SLC24A2: variants seen among roughly 807,000 people sequenced by gnomAD.
SLC24A2 encodes the protein sodium/potassium/calcium exchanger 2.
A neutral mutation model predicts 62.0 loss-of-function variants in SLC24A2; 36 were observed. That is an observed-to-expected ratio of 0.58 (90% CI 0.44 to 0.77). The LOEUF is 0.77. Among genes scored for constraint, SLC24A2 ranks in the 30% least tolerant of loss-of-function variants. The pLI, the probability that SLC24A2 is intolerant of heterozygous loss-of-function variation, is 0.00. For synonymous variants in SLC24A2, 358 were observed against 294.0 expected (o/e 1.22, Z -2.23); for missense variants, 846 against 817.9 (o/e 1.03, Z -0.42).
the SLC24A2 span, among the ~76,000 whole-genome samples, chr9:20,181,169 C>A: frequency 6.6e-6 from 1 of 151,394 alleles, no homozygotes; most frequent in Non-Finnish European, 1.5e-5. Context: ...GTCTCAAGTT[C>A]AAATCCTAGT....
the SLC24A2 span, among the ~76,000 whole-genome samples, chr9:20,088,618 G>A: frequency 1.3e-5 from 2 of 152,164 alleles, no homozygotes; most frequent in Admixed American, 6.5e-5. Context: ...ATCCTTAGCT[G>A]TTGTTGTCTT....
the SLC24A2 span, among the ~76,000 whole-genome samples, chr9:20,278,282 C>G: frequency 6.6e-6 from 1 of 152,072 alleles, no homozygotes; most frequent in South Asian, 2.1e-4. Context: ...TCTTTTCTAT[C>G]ACATATCAGG....
chr9:19,976,620 A>G, the SLC24A2 span, among the ~76,000 whole-genome samples: 1 of 152,202 alleles, frequency 6.6e-6, no homozygotes, highest in South Asian at 2.1e-4. Context: ...AGCAGTGTGA[A>G]AACAGACTAA....
chr9:20,299,946 T>A, the SLC24A2 span, among the ~76,000 whole-genome samples: 2 of 152,210 alleles, frequency 1.3e-5, no homozygotes, highest in Admixed American at 6.5e-5. Context: ...TCTGATGACT[T>A]TGAATTCAGG....
intron 8 of SLC24A2, among the ~76,000 whole-genome samples, chr9:19,541,560 C>A (rs375146826): frequency 4.1e-5 from 6 of 147,306 alleles, no homozygotes; most frequent in South Asian, 4.4e-4. Flanking sequence ...GCAGTCTGCC[C>A]GTTCTCAGAT....
the SLC24A2 span, among the ~76,000 whole-genome samples, chr9:20,227,498 G>A: frequency 6.8e-6 from 1 of 146,948 alleles, no homozygotes; most frequent in East Asian, 2.0e-4. Flanking sequence ...TAAAGAAAAG[G>A]CTTACACATT....
At chr9:19,529,572 C>G (rs933380628) in intron 8 of SLC24A2, among the ~76,000 whole-genome samples, 1 of 152,110 alleles carries the variant, frequency 6.6e-6, no homozygotes, top group East Asian at 1.9e-4. Flanking sequence ...GGGAGGGCAT[C>G]AGGCCACAGT....
intron 2 of SLC24A2, among the ~76,000 whole-genome samples, chr9:19,739,532 T>C (rs1296738542): frequency 6.6e-6 from 1 of 152,180 alleles, no homozygotes; most frequent in African/African-American, 2.4e-5. Context: ...CATCACCTGA[T>C]TTATGACAAA....
the SLC24A2 span, among the ~76,000 whole-genome samples, chr9:20,220,611 CAGTT>C: frequency 5.6e-4 from 85 of 152,268 alleles, no homozygotes; most frequent in African/African-American, 1.9e-3. Context: ...CCCAGAAAGG[CAGTT>C]GGTTGGTTTG....
chr9:20,305,869 G>A, the SLC24A2 span, among the ~76,000 whole-genome samples: 9 of 152,134 alleles, frequency 5.9e-5, no homozygotes, highest in Non-Finnish European at 8.8e-5. Flanking sequence ...GAAGTCTGGG[G>A]TCAAGTTGTG....
chr9:20,186,641 C>T, the SLC24A2 span, among the ~76,000 whole-genome samples: 22 of 152,042 alleles, frequency 1.4e-4, no homozygotes, highest in Admixed American at 9.2e-4. Flanking sequence ...AATCTCCAAC[C>T]GCACCTCCTT....
At chr9:19,807,519 A>G in the SLC24A2 span, among the ~76,000 whole-genome samples, 189 of 152,368 alleles carry the variant, frequency 1.2e-3, 2 homozygotes, top group African/African-American at 4.4e-3. Flanking sequence ...AAAGGATAAA[A>G]TGAATGGCTC....
chr9:19,572,480 C>T (rs765103688), intron 7 of SLC24A2, among the ~76,000 whole-genome samples: 7 of 152,042 alleles, frequency 4.6e-5, no homozygotes, highest in African/African-American at 7.2e-5. Flanking sequence ...TGAGTGGGTT[C>T]TCATGAGATC....
chr9:19,948,844 CAAAAA>C, the SLC24A2 span, among the ~76,000 whole-genome samples: 5 of 71,744 alleles, frequency 7.0e-5, no homozygotes, highest in African/African-American at 1.0e-4. Context: ...GACTCCGTCT[CAAAAA>C]AAAAAAAAAA....
At chr9:19,792,783 C>T (rs1036082851), upstream of SLC24A2, among the ~76,000 whole-genome samples, 4 of 152,120 alleles carry the variant, frequency 2.6e-5, no homozygotes, top group African/African-American at 9.6e-5. Context: ...AGTACTCATA[C>T]TTACTTTGTT....
At chr9:20,121,921 C>T in the SLC24A2 span, among the ~76,000 whole-genome samples, 1 of 152,112 alleles carries the variant, frequency 6.6e-6, no homozygotes, top group Non-Finnish European at 1.5e-5. Flanking sequence ...ACGTAGCATG[C>T]ATTATACACA....
chr9:20,205,467 T>C, the SLC24A2 span, among the ~76,000 whole-genome samples: 1 of 151,576 alleles, frequency 6.6e-6, no homozygotes, highest in Non-Finnish European at 1.5e-5. Context: ...GTTAATACAG[T>C]GAAACACCGT....
chr9:20,096,164 C>G, the SLC24A2 span, among the ~76,000 whole-genome samples: 1 of 152,038 alleles, frequency 6.6e-6, no homozygotes, highest in Admixed American at 6.5e-5. Flanking sequence ...AAAACAGAAT[C>G]CTTAGTAATT....
At chr9:19,644,965 T>C (rs1818600929) in intron 2 of SLC24A2, among the ~76,000 whole-genome samples, 2 of 152,320 alleles carry the variant, frequency 1.3e-5, no homozygotes, top group African/African-American at 4.8e-5. Flanking sequence ...ATTTTCAGGC[T>C]AAATTTGAAC....
Sources: allele counts gnomAD v4.1 joint callset (sites outside exome capture counted in the v4.1 genomes callset), GRCh38; gene constraint gnomAD v4.1.1; transcripts MANE v1.5; gene names NCBI Gene and HGNC (gene_info 2026-07-23, HGNC 2026-07-21).